PAMR1: variants seen among roughly 807,000 people sequenced by gnomAD.
PAMR1 encodes peptidase domain containing associated with muscle regeneration 1, also known as inactive serine protease PAMR1.
Under a neutral mutation model 81.8 loss-of-function variants are expected in PAMR1, and 88 were observed. That is an observed-to-expected ratio of 1.08 (90% confidence interval 0.91 to 1.28). The LOEUF (loss-of-function observed/expected upper bound fraction) is 1.28, where lower values mean the gene tolerates loss of function less well. Ranked by LOEUF, PAMR1 falls within the 50% of genes most tolerant of loss-of-function variation. The pLI is 0.00. For missense variants in PAMR1, 935 were observed against 919.7 expected (o/e 1.02, Z -0.21); for synonymous variants, 336 against 345.3 (o/e 0.97, Z 0.30).
chr11:35,444,193 A>AT (rs200936177), intron 6 of PAMR1, among the ~76,000 whole-genome samples: 84 of 150,964 alleles, frequency 5.6e-4, no homozygotes, highest in Middle Eastern at 6.8e-3. Context: ...TTTTAATGGG[A>AT]TTTTTTTTTC....
chr11:35,506,126 A>ACAGT (rs557634832), intron 1 of PAMR1, among the ~76,000 whole-genome samples: 5 of 71,644 alleles, frequency 7.0e-5, no homozygotes, highest in Non-Finnish European at 1.4e-4. Context: ...TAAAAAAAAA[A>ACAGT]AACAGGAAGA....
At chr11:35,525,665 C>G (rs532871933), upstream of PAMR1, 18 of 1,217,984 alleles carry the variant, frequency 1.5e-5, no homozygotes, top group Non-Finnish European at 2.1e-5. Flanking sequence ...GCGGGTTTTA[C>G]AGGGACCTCC....
intron 1 of PAMR1, among the ~76,000 whole-genome samples, chr11:35,504,731 T>C (rs1850917607): frequency 6.6e-6 from 1 of 151,562 alleles, no homozygotes; most frequent in African/African-American, 2.4e-5. Context: ...ATGTCTTTTT[T>C]CATTTCTAAT....
At chr11:35,493,926 CCT>C (rs1222757514) in intron 2 of PAMR1, among the ~76,000 whole-genome samples, 168 bp downstream of exon 2, 2 of 152,220 alleles carry the variant, frequency 1.3e-5, no homozygotes, top group Non-Finnish European at 2.9e-5. Context: ...AGTACTGACT[CCT>C]TTTATTCCTG....
chr11:35,462,076 T>C (rs754840436), intron 6 of PAMR1, among the ~76,000 whole-genome samples: 28 of 151,774 alleles, frequency 1.8e-4, no homozygotes, highest in Non-Finnish European at 1.0e-4. Flanking sequence ...TTTAACAAAA[T>C]ACCAAAATGT....
chr11:35,505,745 A>G (rs989375598), intron 1 of PAMR1, among the ~76,000 whole-genome samples: 4 of 152,116 alleles, frequency 2.6e-5, no homozygotes, highest in Non-Finnish European at 5.9e-5. Context: ...CTGTATCTGT[A>G]TAAGTGAGGT....
chr11:35,526,267 G>A (rs1851388901), upstream of PAMR1, among the ~76,000 whole-genome samples: 1 of 152,104 alleles, frequency 6.6e-6, no homozygotes. Context: ...TGAATTCAGC[G>A]ACATAAGCAG....
chr11:35,461,549 G>A (rs1443203875), intron 6 of PAMR1, among the ~76,000 whole-genome samples: 1 of 151,932 alleles, frequency 6.6e-6, no homozygotes, highest in Non-Finnish European at 1.5e-5. Context: ...CTTGGGCTAG[G>A]TAGACCCAAG....
chr11:35,493,442 T>C (rs1037130865), intron 2 of PAMR1, among the ~76,000 whole-genome samples: 3 of 152,072 alleles, frequency 2.0e-5, no homozygotes, highest in Non-Finnish European at 4.4e-5. Flanking sequence ...TCCTTCTCCC[T>C]CCCTCTCTCC....
chr11:35,482,117 A>G (rs1419685382), intron 3 of PAMR1, among the ~76,000 whole-genome samples: 3 of 152,170 alleles, frequency 2.0e-5, no homozygotes, highest in South Asian at 2.1e-4. Flanking sequence ...GCCCATGCCT[A>G]TGTCCTGAAT....
chr11:35,506,545 C>A (rs648083), intron 1 of PAMR1, among the ~76,000 whole-genome samples: 67,483 of 150,778 alleles, frequency 0.45, 15,459 homozygotes, highest in East Asian at 0.69. Flanking sequence ...TCTCTTTTTC[C>A]TATTCAAAGG....
At chr11:35,491,990 C>A in intron 3 of PAMR1, 55 bp downstream of exon 3, 3 of 1,481,260 alleles carry the variant, frequency 2.0e-6, no homozygotes, top group Admixed American at 2.2e-5. Flanking sequence ...CCATTGTAAG[C>A]TGAGACTTTA....
At chr11:35,456,451 C>T (rs761640280) in intron 6 of PAMR1, among the ~76,000 whole-genome samples, 47 of 152,230 alleles carry the variant, frequency 3.1e-4, no homozygotes, top group Admixed American at 1.4e-3. Flanking sequence ...TAAACGGAAC[C>T]AAATTCTAAT....
At chr11:35,471,640 A>T (rs2135379745) in intron 4 of PAMR1, among the ~76,000 whole-genome samples, 1 of 152,308 alleles carries the variant, frequency 6.6e-6, no homozygotes, top group South Asian at 2.1e-4. Context: ...TTCAGGGGTT[A>T]AGGAAACCTG....
In PAMR1 at chr11:35,468,101, G is replaced by A; in HGVS notation, c.720C>T (p.Ser240=). ...TGCCGTCATGGAAACAAGGGGATGAGGAGCATGCTGTAAGAGAAAAGGCAT... is the reference window on the plus strand; with the variant it reads ...TGCCGTCATGGAAACAAGGGGATGAAGAGCATGCTGTAAGAGAAAAGGCAT... The part of the protein sequence containing the change: ...HAIYEEITAC[S]SSPCFHDGTC... The change falls in exon 6 of 11, where the codon TCC becomes TCT. Residue 240 remains serine, a synonymous_variant. Transcript: ENST00000619888. 1 of 1,550,660 alleles carries A rather than the reference G, an allele frequency of 6.4e-7. No homozygotes were observed. The highest frequency in any genetic ancestry group is 8.7e-7 in the Non-Finnish European group (1 of 1,145,578).
intron 6 of PAMR1, among the ~76,000 whole-genome samples, chr11:35,452,865 T>A (rs1856448408): frequency 6.6e-6 from 1 of 152,186 alleles, no homozygotes; most frequent in Non-Finnish European, 1.5e-5. Flanking sequence ...TAATTTTCTA[T>A]GAAATTATTT....
At chr11:35,502,870 T>C (rs1388185494) in intron 1 of PAMR1, among the ~76,000 whole-genome samples, 4 of 152,216 alleles carry the variant, frequency 2.6e-5, no homozygotes, top group African/African-American at 9.6e-5. Flanking sequence ...TGTCAATTTT[T>C]GCTTTCATTG....
chr11:35,470,086 A>G (rs1335061861), intron 5 of PAMR1, among the ~76,000 whole-genome samples: 2 of 152,172 alleles, frequency 1.3e-5, no homozygotes, highest in African/African-American at 2.4e-5. Flanking sequence ...AATTCTTACT[A>G]TGTACCAGAC....
intron 1 of PAMR1, 130 bp from the exon 2 acceptor site, chr11:35,494,402 C>G (rs756120624): frequency 4.2e-6 from 3 of 712,186 alleles, no homozygotes; most frequent in Non-Finnish European, 4.8e-6. Flanking sequence ...GGCGCGATCT[C>G]GGCTCACTGT....
Sources: gnomAD v4.1 joint callset for allele counts (sites outside exome capture counted in the v4.1 genomes callset) on GRCh38, gnomAD v4.1.1 for gene constraint, MANE v1.5 for transcripts, NCBI Gene and HGNC (gene_info 2026-07-23, HGNC 2026-07-21) for gene names.